PCDHA4: variants seen among roughly 807,000 people sequenced by gnomAD.
PCDHA4 encodes the protein protocadherin alpha-4.
In PCDHA4, 49 loss-of-function variants were observed where a neutral mutation model predicts 61.4. The ratio of observed to expected loss-of-function variants is 0.80; its 90% CI spans 0.63 to 1.01. The LOEUF is 1.01. Among genes scored for constraint, PCDHA4 ranks in the 50% least tolerant of loss-of-function variants. The pLI is 0.00. For synonymous variants in PCDHA4, 590 were observed against 550.3 expected, an observed-to-expected ratio of 1.07 and a Z score of -1.01; for missense variants, 1,254 against 1,235.8, an observed-to-expected ratio of 1.01 and a Z score of -0.22.
intron 1 of PCDHA4, among the ~76,000 whole-genome samples, chr5:140,957,708 T>TA (rs1330263414): frequency 6.6e-6 from 1 of 152,124 alleles, no homozygotes; most frequent in Non-Finnish European, 1.5e-5. Context: ...ATGTAGTTTT[T>TA]ATTAAGAAAG....
At chr5:140,966,543 A>T (rs200134570) in intron 1 of PCDHA4, 4 of 461,074 alleles carry the variant, frequency 8.7e-6, no homozygotes, top group Non-Finnish European at 1.5e-5. Context: ...AGCGACTCGG[A>T]GGCGAGCGGA....
rs2150205014 is a variant in PCDHA4, at chr5:140,832,896, C to G, written c.2385+23324C>G. Among the ~76,000 whole-genome samples, 13 of 152,128 alleles carry G rather than the reference C, an allele frequency of 8.5e-5. 1 individual carries two copies. In the South Asian group the frequency reaches 2.7e-3, roughly 32 times the overall value. On this transcript the variant is annotated intron_variant, in intron 1 of 3. Coordinates refer to ENST00000530339, the MANE Select transcript of PCDHA4 (RefSeq NM_018907.4). ...GGTTATAAAATGGAAAGAGTTTTCCCTGGGAGAATATGGAGACTAACAGGT... is the reference window on the plus strand; with the variant it reads ...GGTTATAAAATGGAAAGAGTTTTCCGTGGGAGAATATGGAGACTAACAGGT...
At chr5:140,935,760 T>C (rs1320272382) in intron 1 of PCDHA4, among the ~76,000 whole-genome samples, 1 of 152,152 alleles carries the variant, frequency 6.6e-6, no homozygotes, top group Non-Finnish European at 1.5e-5. Flanking sequence ...TACACATTCT[T>C]CCCCACTTTG....
intron 1 of PCDHA4, among the ~76,000 whole-genome samples, chr5:140,931,054 G>A (rs2087273007): frequency 6.6e-6 from 1 of 152,180 alleles, no homozygotes; most frequent in Admixed American, 6.5e-5. Context: ...CTTCAATGCT[G>A]TGTCTGGGAC....
At chr5:140,967,435 C>T (rs949116832) in intron 1 of PCDHA4, 1 of 1,613,532 alleles carries the variant, frequency 6.2e-7, no homozygotes, top group Non-Finnish European at 8.5e-7. Flanking sequence ...CAGCCTTGCA[C>T]CACCTGGTTC....
At chr5:140,911,775 C>T (rs1341124275) in intron 1 of PCDHA4, among the ~76,000 whole-genome samples, 1 of 152,096 alleles carries the variant, frequency 6.6e-6, no homozygotes, top group African/African-American at 2.4e-5. Context: ...AAGTACAGTC[C>T]TTAGCATTTT....
At chr5:140,994,864 G>A (rs2097653681) in intron 3 of PCDHA4, among the ~76,000 whole-genome samples, 1 of 152,114 alleles carries the variant, frequency 6.6e-6, no homozygotes, top group Non-Finnish European at 1.5e-5. Context: ...TGATGGATGT[G>A]GTAGAATAAA....
chr5:140,842,740 C>T, intron 1 of PCDHA4: 2 of 1,595,054 alleles, frequency 1.3e-6, no homozygotes, highest in Non-Finnish European at 1.7e-6. Context: ...CGGGCTGCCA[C>T]ATCTTCACGG....
In PCDHA4 at chr5:140,808,513, T is replaced by A. The variant is rs1554124601; in HGVS notation, c.1326T>A (p.Ser442=). 1 of 1,614,138 alleles carries A rather than the reference T, an allele frequency of 6.2e-7. No homozygotes were observed. ...SPSLWATASV[S]VEVADVNDNA... ...CGCTGTGGGCCACGGCCAGTGTTTCTGTGGAGGTGGCTGATGTGAACGACA... is the reference window on the plus strand; with the variant it reads ...CGCTGTGGGCCACGGCCAGTGTTTCAGTGGAGGTGGCTGATGTGAACGACA... The change falls in exon 1 of 4, where the codon TCT becomes TCA. Residue 442 remains serine (S), a synonymous_variant. Coordinates refer to ENST00000530339, the MANE Select transcript of PCDHA4 (RefSeq NM_018907.4).
At chr5:140,998,210 A>G (rs2097801454) in intron 3 of PCDHA4, among the ~76,000 whole-genome samples, 1 of 152,218 alleles carries the variant, frequency 6.6e-6, no homozygotes, top group South Asian at 2.1e-4. Flanking sequence ...TTTAATCTGT[A>G]TAACCACACC....
chr5:141,004,403 C>T (rs1424370254), intron 3 of PCDHA4, among the ~76,000 whole-genome samples: 1 of 152,166 alleles, frequency 6.6e-6, no homozygotes, highest in Non-Finnish European at 1.5e-5. Flanking sequence ...GGAGGAGGCA[C>T]CTGACTAGAT....
intron 1 of PCDHA4, among the ~76,000 whole-genome samples, chr5:140,950,508 C>T (rs1442075303): frequency 6.6e-6 from 1 of 152,016 alleles, no homozygotes; most frequent in African/African-American, 2.4e-5. Context: ...TCATTATTCC[C>T]TGTGTGCGAT....
intron 1 of PCDHA4, chr5:140,834,264 CTT>C: frequency 9.9e-7 from 1 of 1,010,524 alleles, no homozygotes; most frequent in Admixed American, 2.4e-5. Context: ...GCTCCACTCT[CTT>C]TCACTCTTTG....
At chr5:140,882,131 C>A (rs1236835670) in intron 1 of PCDHA4, 2 of 1,475,734 alleles carry the variant, frequency 1.4e-6, no homozygotes, top group South Asian at 1.4e-5. Context: ...TTTCTTCCTG[C>A]AGAAAATATA....
At chr5:140,971,292 T>C (rs1194622162) in intron 1 of PCDHA4, among the ~76,000 whole-genome samples, 1 of 152,210 alleles carries the variant, frequency 6.6e-6, no homozygotes, top group Non-Finnish European at 1.5e-5. Flanking sequence ...TAATATGTAC[T>C]TTGGTACACA....
At chr5:140,883,291 A>T (rs1554177505) in intron 1 of PCDHA4, 1 of 1,614,118 alleles carries the variant, frequency 6.2e-7, no homozygotes, top group South Asian at 1.1e-5. Flanking sequence ...TGGAAGTACT[A>T]GATGTAAATG....
intron 1 of PCDHA4, among the ~76,000 whole-genome samples, chr5:140,919,331 A>G (rs2079089725): frequency 6.6e-6 from 1 of 152,026 alleles, no homozygotes; most frequent in Non-Finnish European, 1.5e-5. Context: ...TTTACTTTCA[A>G]TCTGTTTGTA....
In PCDHA4 at chr5:140,828,269, G is replaced by A. The variant is rs201116419; in HGVS notation, c.2385+18697G>A. The A allele has an allele frequency of 1.1e-4, 175 of 1,613,940 alleles. No individual in the cohort carries two copies. The highest frequency in any genetic ancestry group is 8.3e-5 in the Admixed American group (5 of 60,012). On this transcript the variant is annotated intron_variant, in intron 1 of 3. Transcript: ENST00000530339. ...CCTGGGGCTGGAGCTGGCGGAGCTG[G>A]TGCCGCGCCTGTTCAGGATGGCCTC...
intron 1 of PCDHA4, chr5:140,823,834 G>T (rs1197490910): frequency 1.9e-6 from 3 of 1,613,838 alleles, no homozygotes; most frequent in East Asian, 4.5e-5. Context: ...GGGCGCTGTG[G>T]GTCCCGAGGC....
Sources: gnomAD v4.1 joint callset for allele counts (sites outside exome capture counted in the v4.1 genomes callset) on GRCh38, gnomAD v4.1.1 for gene constraint, MANE v1.5 for transcripts, NCBI Gene and HGNC (gene_info 2026-07-23, HGNC 2026-07-21) for gene names.